Variants in ZNF462 observed in about 807,000 individuals in gnomAD.
ZNF462 encodes the protein zinc finger PBX1-interacting protein.
A neutral mutation model predicts 201.9 loss-of-function variants in ZNF462; 10 were observed. That is an observed-to-expected ratio of 0.05 (90% CI 0.03 to 0.08). ZNF462 has a LOEUF of 0.08. Ranked by LOEUF, ZNF462 falls within the 10% of genes least tolerant of loss-of-function variation. The pLI is 1.00. For missense variants in ZNF462, 2,523 were observed against 3,168.3 expected (o/e 0.80, Z 4.89); for synonymous variants, 1,227 against 1,193.3 (o/e 1.03, Z -0.58).
At position 107,011,106 on chromosome 9, in the gene ZNF462, G is replaced by A; in HGVS notation, c.*76G>A. 1 of 1,452,640 alleles carries A rather than the reference G, an allele frequency of 6.9e-7. No individual in the cohort carries two copies. Among genetic ancestry groups the A allele is most frequent in the Non-Finnish European group, 9.5e-7 (1 of 1,055,692 alleles). The allele number at this position is 1,452,640 out of a possible 1,614,324, so 90.0% of individuals were successfully genotyped here. On this transcript the variant is annotated 3_prime_UTR_variant, in exon 13 of 13. Coordinates refer to ENST00000277225, the MANE Select transcript of ZNF462 (RefSeq NM_021224.6). This position sits in a 1 kb window ranked among gnomAD's most constrained non-coding sequence, Gnocchi z 5.6. The stretch of plus-strand genomic sequence containing the variant: ...TGGGAGGGCTGGCTTGGGCTGAGAA[G>A]GGAGGGACAGAAAAGAGAAGACAGA...
chr9:106,935,391 A>G lies in ZNF462; in HGVS notation c.6117-112A>G, dbSNP rs1010609505. On this transcript the variant is annotated intron_variant, in intron 5 of 12. Transcript: ENST00000277225. The surrounding 1 kb of genome is among the most constrained non-coding windows in gnomAD (Gnocchi z 4.1). Reference sequence around the variant, plus strand: ...AAATGCCATTATTGGAAAGTAAACAAAAGGACTTTGAACGACCTAGAAGTA... The same window carrying G: ...AAATGCCATTATTGGAAAGTAAACAGAAGGACTTTGAACGACCTAGAAGTA... 4.6e-5 allele frequency: 37 copies of G among 812,990 alleles called. No individual in the cohort carries two copies. In the Admixed American group the frequency reaches 8.2e-4, roughly 18 times the overall value. The allele number at this position is 812,990 out of a possible 1,614,324, so 50.4% of individuals were successfully genotyped here. A position where few individuals can be genotyped will look rare whatever the true frequency, so the allele number is the denominator to read the frequency against.
chr9:106,971,375 A>AACAACAAC (rs1554713165), intron 7 of ZNF462, among the ~76,000 whole-genome samples: 10 of 151,174 alleles, frequency 6.6e-5, no homozygotes, highest in African/African-American at 9.8e-5. Flanking sequence ...TTAAAAAAAA[A>AACAACAAC]AACAACAACA....
Position 106,924,251 on chromosome 9 carries a change from T to C in ZNF462, c.339T>C (p.Cys113=). 6.2e-7 allele frequency: 1 copy of C among 1,614,156 alleles called. No homozygotes were observed. The highest frequency in any genetic ancestry group is 8.5e-7 in the Non-Finnish European group (1 of 1,180,034). ...ACAAGTTTTTTCAATGCAAGTTCTG[T>C]GTACGCTACTTCAGGTCAAAAAACC... ...PTNKFFQCKF[C]VRYFRSKNLL... is the part of the protein sequence containing the mutation. The change falls in exon 3 of 13, where the codon TGT becomes TGC. Residue 113 remains cysteine (C), a synonymous_variant. Coordinates refer to ENST00000277225, the MANE Select transcript of ZNF462 (RefSeq NM_021224.6). The surrounding 1 kb of genome is among the most constrained non-coding windows in gnomAD (Gnocchi z 6.2).
intron 1 of ZNF462, among the ~76,000 whole-genome samples, chr9:106,887,081 A>C (rs1367618645): frequency 6.6e-6 from 1 of 152,238 alleles, no homozygotes; most frequent in Non-Finnish European, 1.5e-5. Context: ...GAGAATATTT[A>C]GTCAAGGGCA....
At chr9:106,861,340 G>A (rs905400218), upstream of ZNF462, among the ~76,000 whole-genome samples, 1 of 152,062 alleles carries the variant, frequency 6.6e-6, no homozygotes, top group Non-Finnish European at 1.5e-5. Flanking sequence ...TTTATTGTAT[G>A]GATTTATAGG....
intron 9 of ZNF462, among the ~76,000 whole-genome samples, chr9:106,982,173 G>A (rs1013016379): frequency 1.3e-5 from 2 of 152,198 alleles, no homozygotes; most frequent in Admixed American, 6.5e-5. Flanking sequence ...CTTACCCAGC[G>A]TAGTTGCAGT....
At position 106,932,426 on chromosome 9, in the gene ZNF462, G is replaced by C. The variant is rs781144926; in HGVS notation, c.6013-20G>C. 6.2e-7 allele frequency: 1 copy of C among 1,614,242 alleles called. No homozygotes were observed. The highest frequency in any genetic ancestry group is 8.5e-7 in the Non-Finnish European group (1 of 1,180,042). The stretch of plus-strand genomic sequence containing the variant: ...GGATACCATTGCAGTCAATGTGACA[G>C]AGTCCTGATGTCCATGCAGGGGCTG... On this transcript the variant is annotated intron_variant, in intron 4 of 12. Transcript: ENST00000277225. This position sits in a 1 kb window ranked among gnomAD's most constrained non-coding sequence, Gnocchi z 6.8.
At chr9:106,937,565 A>G (rs1318311603) in intron 6 of ZNF462, among the ~76,000 whole-genome samples, 3 of 152,196 alleles carry the variant, frequency 2.0e-5, no homozygotes, top group African/African-American at 7.2e-5. Flanking sequence ...TCATTAGAGA[A>G]AGTTTGGAAA....
Position 106,984,365 on chromosome 9 carries a change from A to G in ZNF462, c.7012A>G (p.Lys2338Glu). 1.2e-6 allele frequency: 2 copies of G among 1,614,036 alleles called. No homozygotes were observed. Among genetic ancestry groups the G allele is most frequent in the Non-Finnish European group, 1.7e-6 (2 of 1,179,966 alleles). ...ATGCCAGCTCTGCTACTATGAGACC[A>G]AGCACACGGAGGAACTGGACAGCCA... ...YKCQLCYYET[K>E]HTEELDSHLR... is the part of the protein sequence containing the mutation. Residue 2338 changes from lysine (K) to glutamate (E), a missense_variant, in exon 10 of 13, where the codon AAG becomes GAG. This residue lies in a region of ZNF462 where 228 missense variants were observed against 361.2 expected (regional missense o/e 0.63). Transcript: ENST00000277225. This position sits in a 1 kb window ranked among gnomAD's most constrained non-coding sequence, Gnocchi z 6.4.
Position 106,929,479 on chromosome 9 carries a change from T to G in ZNF462, c.5567T>G (p.Phe1856Cys). The part of the protein sequence containing the change: ...FRCIKCFKLS[F>C]STAELLCMHY... ...TGCATCAAATGCTTCAAGCTGTCCT[T>G]TAGCACTGCAGAGCTGCTGTGCATG... is the stretch of plus-strand genomic sequence containing the variant. The change falls in exon 3 of 13, where the codon TTT becomes TGT. Residue 1856 changes from phenylalanine (F) to cysteine (C), a missense_variant. Physicochemically the swap from Phe to Cys is radical, Grantham distance 205 (BLOSUM62 -2). Coordinates refer to ENST00000277225, the MANE Select transcript of ZNF462 (RefSeq NM_021224.6). The surrounding 1 kb of genome is among the most constrained non-coding windows in gnomAD (Gnocchi z 8.7). The G allele has an allele frequency of 6.2e-7, 1 of 1,614,124 alleles. No individual in the cohort carries two copies. The highest frequency in any genetic ancestry group is 1.1e-5 in the South Asian group (1 of 91,080).
In ZNF462 at chr9:106,919,539, G is replaced by A. The variant is rs1829905391; in HGVS notation, c.-30-3815G>A. ...TTTCAAATCTTTGACATCATCTCTG[G>A]ATGTTCTTTATATCTTAAAGAGTTT... On this transcript the variant is annotated intron_variant, in intron 1 of 12. Transcript: ENST00000277225. This position sits in a 1 kb window ranked among gnomAD's most constrained non-coding sequence, Gnocchi z 4.5. Among the ~76,000 whole-genome samples, 1 of 152,160 alleles carries A rather than the reference G, an allele frequency of 6.6e-6. No homozygotes were observed. Among genetic ancestry groups the A allele is most frequent in the African/African-American group, 2.4e-5 (1 of 41,440 alleles).
At chr9:106,986,376 G>A (rs1473894315) in intron 10 of ZNF462, among the ~76,000 whole-genome samples, 1 of 152,116 alleles carries the variant, frequency 6.6e-6, no homozygotes. Flanking sequence ...AAATTTCTGG[G>A]TCTGTTTTCC....
chr9:106,862,379 G>C (rs1202541111), upstream of ZNF462, among the ~76,000 whole-genome samples: 3 of 152,078 alleles, frequency 2.0e-5, no homozygotes, highest in East Asian at 5.8e-4. This position sits in a 1 kb window ranked among gnomAD's most constrained non-coding sequence, Gnocchi z 4.2. Context: ...ATGAGCTGCC[G>C]GGCAGGGTCC....
intron 7 of ZNF462, among the ~76,000 whole-genome samples, chr9:106,956,672 C>G (rs1011351694): frequency 2.0e-5 from 3 of 152,146 alleles, no homozygotes; most frequent in African/African-American, 7.2e-5. Context: ...TTAGTGGAGC[C>G]AGCTTCATCC....
At chr9:106,904,205 T>C (rs1829173605) in intron 1 of ZNF462, among the ~76,000 whole-genome samples, 1 of 152,214 alleles carries the variant, frequency 6.6e-6, no homozygotes, top group Non-Finnish European at 1.5e-5. Flanking sequence ...TTTTGGGGGA[T>C]ACAAAATTCT....
In ZNF462 at chr9:106,974,241, G is replaced by T. The variant is rs756003963; in HGVS notation, c.6800G>T (p.Arg2267Leu). The change falls in exon 9 of 13, where the codon CGC becomes CTC. Residue 2267 changes from arginine (R) to leucine (L), a missense_variant. By Grantham distance (102) the Arg-to-Leu change is moderately radical. This residue lies in a region of ZNF462 where 228 missense variants were observed against 361.2 expected (regional missense o/e 0.63). Coordinates refer to ENST00000277225, the MANE Select transcript of ZNF462 (RefSeq NM_021224.6). The surrounding 1 kb of genome is among the most constrained non-coding windows in gnomAD (Gnocchi z 4.0). ...TGCCTCTATCACACCAAATACAAGC[G>T]CAACATGATTGACCACATCGTGCTG... ...PLCLYHTKYK[R>L]NMIDHIVLHR... 1 of 1,614,056 alleles carries T rather than the reference G, an allele frequency of 6.2e-7. No homozygotes were observed. Among genetic ancestry groups the T allele is most frequent in the Non-Finnish European group, 8.5e-7 (1 of 1,180,032 alleles).
chr9:106,893,426 A>C (rs991798576), intron 1 of ZNF462, among the ~76,000 whole-genome samples: 2 of 152,206 alleles, frequency 1.3e-5, no homozygotes, highest in African/African-American at 2.4e-5. Context: ...TAGTCCTTGG[A>C]GTCAGTTGCT....
chr9:106,983,563 T>C (rs1161383685), intron 9 of ZNF462, among the ~76,000 whole-genome samples: 1 of 152,154 alleles, frequency 6.6e-6, no homozygotes, highest in East Asian at 1.9e-4. Flanking sequence ...TAGTGAGAAA[T>C]AATAGATTTA....
intron 7 of ZNF462, among the ~76,000 whole-genome samples, chr9:106,948,235 G>A (rs1831191563): frequency 6.6e-6 from 1 of 152,108 alleles, no homozygotes; most frequent in African/African-American, 2.4e-5. Context: ...GTGAAGGAAG[G>A]AGAGGTAGAG....
Sources: gnomAD v4.1 joint callset for allele counts (sites outside exome capture counted in the v4.1 genomes callset) on GRCh38, gnomAD v4.1.1 for gene constraint, gnomAD v4.1.1 regional missense constraint, Gnocchi (gnomAD v3.1) non-coding constraint, MANE v1.5 for transcripts, NCBI Gene and HGNC (gene_info 2026-07-23, HGNC 2026-07-21) for gene names.